Variants in PTPRT observed in about 807,000 individuals in gnomAD.
The protein encoded by PTPRT is protein tyrosine phosphatase receptor type T, also known as receptor-type tyrosine-protein phosphatase T.
In PTPRT, 56 loss-of-function variants were observed where a neutral mutation model predicts 176.8. The observed-to-expected ratio is 0.32, with a 90% CI of 0.26 to 0.40. PTPRT has a LOEUF of 0.40. Among genes scored for constraint, PTPRT ranks in the 10% least tolerant of loss-of-function variants. The pLI is 1.00. For synonymous variants in PTPRT, 783 were observed against 739.0 expected (o/e 1.06, Z -0.96); for missense variants, 1,540 against 1,908.2 (o/e 0.81, Z 3.60).
At chr20:42,507,688 C>T (rs2071871907) in intron 7 of PTPRT, among the ~76,000 whole-genome samples, 3 of 152,094 alleles carry the variant, frequency 2.0e-5, no homozygotes, top group Admixed American at 2.0e-4. Context: ...GTTCCTTTCT[C>T]TCTAGACCTG....
chr20:43,021,107 T>TC (rs1436555331), intron 1 of PTPRT, among the ~76,000 whole-genome samples: 2 of 151,972 alleles, frequency 1.3e-5, no homozygotes, highest in African/African-American at 4.8e-5. Context: ...ATCATGTGTA[T>TC]CCTCCCTAAA....
rs551945048 is a variant in PTPRT, at chr20:42,575,416, A to G, written c.1153+102450T>C. Among the ~76,000 whole-genome samples, 22 of 152,306 alleles carry G rather than the reference A, an allele frequency of 1.4e-4. No homozygotes were observed. In the South Asian group the frequency reaches 1.5e-3, roughly 10 times the overall value. ...TAAAAACCGGTAGAATGGCAGGCTG[A>G]GGCATGGCTGCAAAGACTGGGTTAT... is the stretch of plus-strand genomic sequence containing the variant. On this transcript the variant is annotated intron_variant, in intron 7 of 30. Transcript: ENST00000373187.
At chr20:42,059,384 A>G in the PTPRT span, among the ~76,000 whole-genome samples, 3 of 152,332 alleles carry the variant, frequency 2.0e-5, no homozygotes, top group East Asian at 5.8e-4. Context: ...TTGCATGCAG[A>G]CTGAGGGACC....
intron 16 of PTPRT, among the ~76,000 whole-genome samples, chr20:42,176,290 G>C (rs550972072): frequency 6.6e-6 from 1 of 152,282 alleles, no homozygotes; most frequent in South Asian, 2.1e-4. Flanking sequence ...AGGATATCAT[G>C]ATCTCTATTT....
intron 1 of PTPRT, among the ~76,000 whole-genome samples, chr20:43,078,508 T>G (rs6103143): frequency 0.012 from 1,841 of 152,234 alleles, 40 homozygotes; most frequent in African/African-American, 0.042. Flanking sequence ...CTTATAGACA[T>G]TACTAGGCAC....
Position 42,495,627 on chromosome 20 carries a change from G to A in PTPRT, c.1154-23065C>T, listed in dbSNP as rs147181966. Reference sequence around the variant, plus strand: ...TCAGTTTTCCCGTTAGAGTCTCAGCGCTCCCTTGAGGAAGAGGTAGCTCAA... The same window carrying A: ...TCAGTTTTCCCGTTAGAGTCTCAGCACTCCCTTGAGGAAGAGGTAGCTCAA... On this transcript the variant is annotated intron_variant, in intron 7 of 30. Coordinates refer to ENST00000373187, the MANE Select transcript of PTPRT (RefSeq NM_007050.6). Among the ~76,000 whole-genome samples the A allele has an allele frequency of 2.4e-4, 37 of 152,266 alleles. No individual in the cohort carries two copies. The East Asian group carries it at 6.7e-3, about 28-fold the overall frequency.
intron 2 of PTPRT, among the ~76,000 whole-genome samples, chr20:42,833,355 T>C (rs888267994): frequency 1.3e-5 from 2 of 150,866 alleles, no homozygotes; most frequent in African/African-American, 4.9e-5. Flanking sequence ...GAGGATCGCC[T>C]GAGCCCAAGA....
intron 9 of PTPRT, among the ~76,000 whole-genome samples, chr20:42,425,681 G>A (rs977621316): frequency 4.6e-5 from 7 of 152,190 alleles, no homozygotes; most frequent in African/African-American, 7.2e-5. Context: ...TAGATTGATT[G>A]TGGTAATCAC....
chr20:42,379,020 G>A (rs573576895), intron 9 of PTPRT, among the ~76,000 whole-genome samples: 47 of 152,274 alleles, frequency 3.1e-4, no homozygotes, highest in South Asian at 6.2e-4. Context: ...TGCTTCTACC[G>A]TGCCCCCACA....
chr20:43,068,253 C>T (rs549008821), intron 1 of PTPRT, among the ~76,000 whole-genome samples: 189 of 148,880 alleles, frequency 1.3e-3, no homozygotes, highest in Non-Finnish European at 2.5e-3. Flanking sequence ...GCCTGTAATC[C>T]CAGCACTTTG....
downstream of PTPRT, among the ~76,000 whole-genome samples, chr20:42,071,644 GTTTTATTTTA>G (rs532857392): frequency 1.6e-4 from 25 of 152,194 alleles, no homozygotes; most frequent in East Asian, 1.5e-3. Flanking sequence ...GCTCAGCAGT[GTTTTATTTTA>G]TTTTATTTTA....
chr20:42,709,846 T>C (rs926077679), intron 6 of PTPRT, among the ~76,000 whole-genome samples: 6 of 152,156 alleles, frequency 3.9e-5, no homozygotes, highest in Admixed American at 3.9e-4. Context: ...GCCAGGCTGA[T>C]GAGGTCTTAG....
At chr20:42,916,857 A>G (rs563427470) in intron 1 of PTPRT, among the ~76,000 whole-genome samples, 1 of 152,266 alleles carries the variant, frequency 6.6e-6, no homozygotes, top group African/African-American at 2.4e-5. Flanking sequence ...GATTCTGGAT[A>G]TTAGCCCTTT....
intron 11 of PTPRT, among the ~76,000 whole-genome samples, chr20:42,329,214 G>C (rs750334365): frequency 2.0e-5 from 3 of 152,094 alleles, no homozygotes; most frequent in Non-Finnish European, 4.4e-5. Context: ...AATACATATA[G>C]TCATTTTAGA....
intron 19 of PTPRT, among the ~76,000 whole-genome samples, chr20:42,126,067 C>A (rs1426403810): frequency 6.6e-6 from 1 of 151,832 alleles, no homozygotes; most frequent in Non-Finnish European, 1.5e-5. Flanking sequence ...AAACTGGGAG[C>A]CATTCAGGTC....
At chr20:42,138,349 T>TG (rs1295364948) in intron 18 of PTPRT, among the ~76,000 whole-genome samples, 2 of 152,164 alleles carry the variant, frequency 1.3e-5, no homozygotes, top group African/African-American at 4.8e-5. Context: ...TCACCATGGG[T>TG]GGCTGCCTTG....
chr20:42,056,273 A>G, the PTPRT span, among the ~76,000 whole-genome samples: 1 of 152,212 alleles, frequency 6.6e-6, no homozygotes, highest in African/African-American at 2.4e-5. Flanking sequence ...AATAGCCTCT[A>G]ATGAGGTGAC....
intron 7 of PTPRT, among the ~76,000 whole-genome samples, chr20:42,576,078 T>C (rs904305457): frequency 2.6e-5 from 4 of 152,190 alleles, no homozygotes; most frequent in Non-Finnish European, 5.9e-5. Flanking sequence ...TCAGCTCTTG[T>C]TTACCCCTCT....
chr20:42,583,917 T>C (rs2073424198), intron 7 of PTPRT, among the ~76,000 whole-genome samples: 1 of 152,130 alleles, frequency 6.6e-6, no homozygotes, highest in Non-Finnish European at 1.5e-5. Flanking sequence ...AGTTTATTTC[T>C]CCCACTATGT....
Sources: gnomAD v4.1 joint callset for allele counts (sites outside exome capture counted in the v4.1 genomes callset) on GRCh38, gnomAD v4.1.1 for gene constraint, MANE v1.5 for transcripts, NCBI Gene and HGNC (gene_info 2026-07-23, HGNC 2026-07-21) for gene names.